STS: variants seen among roughly 807,000 people sequenced by gnomAD.
The protein encoded by STS is steryl-sulfatase.
STS carries 7 observed loss-of-function variants against 26.8 expected under a neutral mutation model. The observed-to-expected ratio is 0.26, with a 90% CI of 0.15 to 0.49. STS has a LOEUF of 0.49. STS is among the 20% of genes least tolerant of loss of function. The pLI, the probability that STS is intolerant of heterozygous loss-of-function variation, is 0.98. For synonymous variants in STS, 199 were observed against 189.4 expected (o/e 1.05, Z -0.42); for missense variants, 434 against 465.6 (o/e 0.93, Z 0.63).
At chrX:7,265,168 A>C (rs1197718882) in intron 6 of STS, among the ~76,000 whole-genome samples, 6 of 110,863 alleles carry the variant, frequency 5.4e-5, no homozygotes, top group Non-Finnish European at 7.5e-5. Flanking sequence ...CAGCCATTCC[A>C]AGATGGAGCG....
intron 10 of STS, among the ~76,000 whole-genome samples, chrX:7,338,611 T>C (rs955619381): frequency 2.7e-5 from 3 of 111,752 alleles, no homozygotes; most frequent in Non-Finnish European, 3.8e-5. Context: ...CATCCTCACA[T>C]TGGACTAGCA....
At chrX:7,322,350 A>G (rs1305453919) in intron 8 of STS, among the ~76,000 whole-genome samples, 1 of 111,771 alleles carries the variant, frequency 8.9e-6, no homozygotes, top group African/African-American at 3.3e-5. Flanking sequence ...GGATCGGACA[A>G]CGGAGGCCTT....
chrX:7,275,929 C>CTTTTT (rs748041421), intron 6 of STS, 22 bp from the exon 7 acceptor site: 20 of 1,075,679 alleles, frequency 1.9e-5, no homozygotes, highest in East Asian at 3.4e-5. Context: ...TTTTTCCTCC[C>CTTTTT]TTTTTTTTTT....
At chrX:7,342,347 C>G (rs765405892) in intron 10 of STS, among the ~76,000 whole-genome samples, 10 of 111,233 alleles carry the variant, frequency 9.0e-5, no homozygotes, top group Non-Finnish European at 1.9e-4. Context: ...CTTTGAAGGA[C>G]AGCTAGAATA....
intron 1 of STS, among the ~76,000 whole-genome samples, chrX:7,187,958 CAG>C (rs1426851458): frequency 1.8e-5 from 2 of 111,792 alleles, no homozygotes; most frequent in Non-Finnish European, 3.8e-5. Context: ...TATAGATAAA[CAG>C]AGACTCAAGG....
intron 8 of STS, among the ~76,000 whole-genome samples, chrX:7,321,125 A>ATTTTTGTATTTTTAGTAGAGACATGATTT (rs1217599601): frequency 8.9e-6 from 1 of 111,970 alleles, no homozygotes. Context: ...CTTTGCAGCA[A>ATTTTTGTATTTTTAGTAGAGACATGATTT]CATAGATGGA....
intron 2 of STS, chrX:7,252,253 A>T: frequency 1.3e-6 from 1 of 751,173 alleles, no homozygotes; most frequent in Non-Finnish European, 1.6e-6. Context: ...ATTTGAGAGT[A>T]AGAACCTGGC....
At chrX:7,204,187 A>G (rs981500098) in intron 2 of STS, among the ~76,000 whole-genome samples, 1 of 111,747 alleles carries the variant, frequency 8.9e-6, no homozygotes, top group Non-Finnish European at 1.9e-5. Context: ...ATGAAAAAAT[A>G]TTCTTCAAAA....
At chrX:7,231,420 C>G (rs1375195996) in intron 2 of STS, among the ~76,000 whole-genome samples, 1 of 111,884 alleles carries the variant, frequency 8.9e-6, no homozygotes, top group Non-Finnish European at 1.9e-5. Context: ...GGCTTCTTTA[C>G]CTTGTCAATG....
chrX:7,174,615 G>A (rs186569158), intron 1 of STS, among the ~76,000 whole-genome samples: 1 of 111,661 alleles, frequency 9.0e-6, no homozygotes, highest in Admixed American at 9.5e-5. Flanking sequence ...TGCATTTTGG[G>A]GATTCCTTGT....
At chrX:7,204,776 C>G (rs1341381297) in intron 2 of STS, among the ~76,000 whole-genome samples, 2 of 103,741 alleles carry the variant, frequency 1.9e-5, no homozygotes, top group Non-Finnish European at 4.0e-5. Flanking sequence ...TCCTTTCTCC[C>G]TCTTTCCTCC....
At chrX:7,219,761 TACCTGCTTGTGTTGCATATTCTCCCA>T in intron 2 of STS, 1 of 1,081,513 alleles carries the variant, frequency 9.2e-7, no homozygotes, top group Non-Finnish European at 1.3e-6. Flanking sequence ...TCACAGCAGC[TACCTGCTTGTGTTGCATATTCTCCCA>T]ACATGTGTTG....
In STS at chrX:7,303,939, T is replaced by C. The variant is rs754551456; in HGVS notation, c.944-1107T>C. Among the ~76,000 whole-genome samples, 10 of 112,216 alleles carry C rather than the reference T, an allele frequency of 8.9e-5. No individual in the cohort carries two copies. In the East Asian group the frequency reaches 2.8e-3, roughly 32 times the overall value. On this transcript the variant is annotated intron_variant, in intron 7 of 10. Coordinates refer to ENST00000674429, the MANE Select transcript of STS (RefSeq NM_001320752.2). Reference sequence around the variant, plus strand: ...CTCCTGGCTAATCTTGTTGAATCTATATCCCATACTCATTTATTCTCGCCC... The same window carrying C: ...CTCCTGGCTAATCTTGTTGAATCTACATCCCATACTCATTTATTCTCGCCC...
intron 2 of STS, among the ~76,000 whole-genome samples, chrX:7,194,944 A>G (rs894219589): frequency 9.0e-6 from 1 of 111,609 alleles, no homozygotes; most frequent in Admixed American, 9.6e-5. Flanking sequence ...CTGGACAGCA[A>G]GTGACCGTAC....
intron 10 of STS, among the ~76,000 whole-genome samples, chrX:7,337,066 A>G (rs747414975): frequency 8.9e-6 from 1 of 112,263 alleles, no homozygotes; most frequent in Non-Finnish European, 1.9e-5. Flanking sequence ...TCTGAAGGCT[A>G]GAATCATTTA....
chrX:7,321,619 T>C (rs1927037080), intron 8 of STS, among the ~76,000 whole-genome samples: 1 of 112,227 alleles, frequency 8.9e-6, no homozygotes, highest in Admixed American at 9.4e-5. Context: ...GTAATTTACT[T>C]CCTAAATATA....
intron 2 of STS, among the ~76,000 whole-genome samples, chrX:7,239,421 G>A (rs1347016041): frequency 8.9e-6 from 1 of 111,813 alleles, no homozygotes; most frequent in African/African-American, 3.2e-5. Context: ...CTTCCCCATC[G>A]AGCAAATAGA....
chrX:7,297,365 T>A (rs1415483739), intron 7 of STS, among the ~76,000 whole-genome samples: 4 of 110,555 alleles, frequency 3.6e-5, no homozygotes, highest in African/African-American at 1.3e-4. Flanking sequence ...CAAGAAACAT[T>A]GGTATATAAG....
chrX:7,231,495 G>A, intron 2 of STS, among the ~76,000 whole-genome samples: 2 of 111,409 alleles, frequency 1.8e-5, no homozygotes, highest in Admixed American at 1.9e-4. Context: ...TAGGGAGAGA[G>A]GTCAGGCTAG....
Sources: allele counts gnomAD v4.1 joint callset (sites outside exome capture counted in the v4.1 genomes callset), GRCh38; gene constraint gnomAD v4.1.1; transcripts MANE v1.5; gene names NCBI Gene and HGNC (gene_info 2026-07-23, HGNC 2026-07-21).